Variants in KCNIP4 observed in about 807,000 individuals in gnomAD.
KCNIP4 encodes the protein Kv channel-interacting protein 4.
A neutral mutation model predicts 34.0 loss-of-function variants in KCNIP4; 12 were observed. That is an observed-to-expected ratio of 0.35 (90% CI 0.23 to 0.57). KCNIP4 has a LOEUF of 0.57. Ranked by LOEUF, KCNIP4 falls within the 20% of genes least tolerant of loss-of-function variation. The probability of loss-of-function intolerance (pLI) is 0.83; values close to 1 mark genes in which losing one functional copy is unlikely to be tolerated. For missense variants in KCNIP4, 238 were observed against 311.7 expected (o/e 0.76, Z 1.78); for synonymous variants, 124 against 102.2 (o/e 1.21, Z -1.29).
chr4:21,472,014 T>C (rs1730508280), intron 1 of KCNIP4, among the ~76,000 whole-genome samples: 1 of 152,206 alleles, frequency 6.6e-6, no homozygotes, highest in Non-Finnish European at 1.5e-5. Context: ...TTGGCATGAA[T>C]TCACTTTCTA....
At chr4:21,127,110 C>T (rs1024804051) in intron 1 of KCNIP4, among the ~76,000 whole-genome samples, 1 of 152,136 alleles carries the variant, frequency 6.6e-6, no homozygotes, top group South Asian at 2.1e-4. Flanking sequence ...TTTCATGAGG[C>T]CAAGTCTTAC....
chr4:21,595,692 G>T (rs1165022873), intron 1 of KCNIP4, among the ~76,000 whole-genome samples: 6 of 151,872 alleles, frequency 4.0e-5, no homozygotes. Flanking sequence ...TAATTGGCAT[G>T]ATACGGTATC....
intron 1 of KCNIP4, among the ~76,000 whole-genome samples, chr4:21,429,236 C>T (rs1346707327): frequency 1.3e-5 from 2 of 150,746 alleles, no homozygotes; most frequent in African/African-American, 4.9e-5. Context: ...ATACATTACA[C>T]AGTTACACAG....
At chr4:21,588,198 A>C (rs1467937796) in intron 1 of KCNIP4, among the ~76,000 whole-genome samples, 2 of 152,064 alleles carry the variant, frequency 1.3e-5, no homozygotes, top group Admixed American at 6.6e-5. Context: ...TAAGATATAA[A>C]ATAAAATAAA....
At chr4:21,032,684 C>A (rs1391020808) in intron 1 of KCNIP4, among the ~76,000 whole-genome samples, 1 of 152,056 alleles carries the variant, frequency 6.6e-6, no homozygotes, top group Non-Finnish European at 1.5e-5. Flanking sequence ...ATTTCTGATC[C>A]CGTTTGTACT....
intron 1 of KCNIP4, among the ~76,000 whole-genome samples, chr4:21,275,387 G>A (rs1762381175): frequency 6.6e-6 from 1 of 152,140 alleles, no homozygotes. Flanking sequence ...AGATCACATG[G>A]ATTAATAGGT....
intron 1 of KCNIP4, among the ~76,000 whole-genome samples, chr4:20,979,995 G>T (rs1407917491): frequency 6.6e-6 from 1 of 152,108 alleles, no homozygotes; most frequent in Admixed American, 6.5e-5. Context: ...GCTCAGCTTG[G>T]AATCTTCTTC....
chr4:21,783,758 A>C (rs1201859610), intron 1 of KCNIP4, among the ~76,000 whole-genome samples: 1 of 152,210 alleles, frequency 6.6e-6, no homozygotes, highest in African/African-American at 2.4e-5. Context: ...ATAAATGTAC[A>C]TATCGGAGGA....
intron 1 of KCNIP4, among the ~76,000 whole-genome samples, chr4:21,498,216 A>T (rs1733010077): frequency 6.6e-6 from 1 of 152,238 alleles, no homozygotes. Context: ...ACGAAAGAAT[A>T]TCCTTTGAAT....
At chr4:21,476,176 A>G (rs937472614) in intron 1 of KCNIP4, among the ~76,000 whole-genome samples, 1 of 152,206 alleles carries the variant, frequency 6.6e-6, no homozygotes, top group South Asian at 2.1e-4. Context: ...TCTGCATTTT[A>G]TATAGGTAAA....
chr4:21,346,179 T>C (rs563845261), intron 1 of KCNIP4, among the ~76,000 whole-genome samples: 8 of 97,698 alleles, frequency 8.2e-5, no homozygotes, highest in African/African-American at 2.9e-4. Flanking sequence ...ATCTGTAATA[T>C]ATATTATATA....
intron 1 of KCNIP4, among the ~76,000 whole-genome samples, chr4:21,338,760 G>A (rs563658461): frequency 1.6e-4 from 25 of 151,842 alleles, no homozygotes; most frequent in Non-Finnish European, 1.5e-4. Flanking sequence ...CCAAGCACAC[G>A]TTAATCCTTC....
At chr4:21,520,024 G>C (rs1039721967) in intron 1 of KCNIP4, among the ~76,000 whole-genome samples, 1 of 151,906 alleles carries the variant, frequency 6.6e-6, no homozygotes, top group East Asian at 1.9e-4. Flanking sequence ...CGATGTTTGA[G>C]GGAAGGAAGC....
At chr4:21,472,974 T>C (rs544596325) in intron 1 of KCNIP4, among the ~76,000 whole-genome samples, 105 of 152,330 alleles carry the variant, frequency 6.9e-4, no homozygotes, top group Non-Finnish European at 1.3e-3. Context: ...AGAAATATAC[T>C]ATGTCAAAGC....
At chr4:21,666,510 T>C (rs565997132) in intron 1 of KCNIP4, among the ~76,000 whole-genome samples, 49 of 152,322 alleles carry the variant, frequency 3.2e-4, no homozygotes, top group Non-Finnish European at 6.6e-4. Flanking sequence ...GTATTTATAT[T>C]TTCTCTGGCC....
chr4:20,972,637 A>T (rs566944033), intron 1 of KCNIP4, among the ~76,000 whole-genome samples: 9 of 152,234 alleles, frequency 5.9e-5, no homozygotes, highest in Admixed American at 5.9e-4. Context: ...GGCAGAATAG[A>T]TTTAGTATAG....
chr4:20,919,332 C>T (rs757493307), intron 1 of KCNIP4, among the ~76,000 whole-genome samples: 7 of 151,928 alleles, frequency 4.6e-5, no homozygotes, highest in African/African-American at 7.3e-5. Context: ...ATGGATGAGT[C>T]CTTGCTCGGC....
chr4:20,926,157 CCAGA>C (rs2149593113), intron 1 of KCNIP4, among the ~76,000 whole-genome samples: 1 of 152,306 alleles, frequency 6.6e-6, no homozygotes, highest in Admixed American at 6.5e-5. Context: ...TTCCCAAATG[CCAGA>C]CAATGGTCAA....
In KCNIP4 at chr4:20,728,630, CTTTTA is replaced by C. The variant is rs759566449; in HGVS notation, c.*1447_*1451del. 12 of 152,472 alleles carry C rather than the reference CTTTTA, an allele frequency of 7.9e-5. No homozygotes were observed. The highest frequency in any genetic ancestry group is 1.6e-4 in the Non-Finnish European group (11 of 67,980). 9.4% of individuals were successfully genotyped at this position (152,472 alleles called of 1,614,324 possible). A position where few individuals can be genotyped will look rare whatever the true frequency, so the allele number is the denominator to read the frequency against. ...GTAGAGTTATAAACATTTTATTTTG[CTTTTA>C]TTTTTTCTTTTTGAAATACAAAATG... On this transcript the variant is annotated 3_prime_UTR_variant, in exon 9 of 9. Transcript: ENST00000382152.
Sources: allele counts gnomAD v4.1 joint callset (sites outside exome capture counted in the v4.1 genomes callset), GRCh38; gene constraint gnomAD v4.1.1; transcripts MANE v1.5; gene names NCBI Gene and HGNC (gene_info 2026-07-23, HGNC 2026-07-21).